PCM1: variants seen among roughly 807,000 people sequenced by gnomAD.
PCM1 encodes the protein pericentriolar material 1.
PCM1 carries 157 observed loss-of-function variants against 241.9 expected under a neutral mutation model. That is an observed-to-expected ratio of 0.65 (90% CI 0.57 to 0.74). The LOEUF (loss-of-function observed/expected upper bound fraction) is 0.74. Ranked by LOEUF, PCM1 falls within the 30% of genes least tolerant of loss-of-function variation. The pLI, the probability that PCM1 is intolerant of heterozygous loss-of-function variation, is 0.00. For synonymous variants in PCM1, 1,085 were observed against 784.9 expected (o/e 1.38, Z -6.39); for missense variants, 3,478 against 2,360.1 (o/e 1.47, Z -9.81).
intron 6 of PCM1, among the ~76,000 whole-genome samples, chr8:17,943,238 G>C (rs1277575565): frequency 6.9e-6 from 1 of 145,960 alleles, no homozygotes; most frequent in East Asian, 2.0e-4. Flanking sequence ...TTCACCTCTA[G>C]TATTTTGGCA....
In PCM1 at chr8:18,000,668, C is replaced by T. The variant is rs528114938; in HGVS notation, c.4828-5595C>T. Reference sequence around the variant, plus strand: ...CAGAGGCTCACTCTTATCACCCAGGCGGGAATGCAGTGGCGCGATCTCGGC... The same window carrying T: ...CAGAGGCTCACTCTTATCACCCAGGTGGGAATGCAGTGGCGCGATCTCGGC... On this transcript the variant is annotated intron_variant, in intron 29 of 38. Coordinates refer to ENST00000325083, the MANE Select transcript of PCM1 (RefSeq NM_006197.4). 3.3e-5 allele frequency among the ~76,000 whole-genome samples: 5 copies of T among 152,136 alleles called. No homozygotes were observed. In the East Asian group the frequency reaches 7.8e-4, roughly 24 times the overall value.
At chr8:17,963,520 G>T (rs1325346162) in intron 17 of PCM1, among the ~76,000 whole-genome samples, 2 of 152,108 alleles carry the variant, frequency 1.3e-5, no homozygotes, top group African/African-American at 4.8e-5. Context: ...TATGGCACTT[G>T]ATCAAATGGT....
Position 17,953,133 on chromosome 8 carries a change from A to T in PCM1, c.1235A>T (p.Lys412Ile). ...VLQEKKQKMD[K>I]LLGELHTLRD... Reference sequence around the variant, plus strand: ...CAGGAAAAGAAACAAAAAATGGACAAATTGCTTGGAGAACTTCATACACTT... The same window carrying T: ...CAGGAAAAGAAACAAAAAATGGACATATTGCTTGGAGAACTTCATACACTT... Residue 412 changes from lysine to isoleucine, a missense_variant, in exon 9 of 39, where the codon AAA (lysine) becomes ATA (isoleucine). By Grantham distance (102) the Lys-to-Ile change is moderately radical. Coordinates refer to ENST00000325083, the MANE Select transcript of PCM1 (RefSeq NM_006197.4). The T allele has an allele frequency of 6.3e-7, 1 of 1,591,704 alleles. No individual in the cohort carries two copies. Among genetic ancestry groups the T allele is most frequent in the Non-Finnish European group, 8.6e-7 (1 of 1,168,202 alleles).
chr8:18,010,003 G>A (rs1294473784), intron 31 of PCM1, among the ~76,000 whole-genome samples: 16 of 152,208 alleles, frequency 1.1e-4, no homozygotes, highest in Admixed American at 1.0e-3. Context: ...TTATTGTCCT[G>A]TATTCAGGTC....
Position 17,955,579 on chromosome 8 carries a change from T to G in PCM1, c.1398T>G (p.Pro466=). Reference sequence around the variant, plus strand: ...CCAATAGCCTCACATCATCTGTTCCTTATCCTACTGCTTCTCTAGTATCTC... The same window carrying G: ...CCAATAGCCTCACATCATCTGTTCCGTATCCTACTGCTTCTCTAGTATCTC... ...GESNSLTSSV[P]YPTASLVSQN... The change falls in exon 10 of 39, where the codon CCT becomes CCG. Residue 466 remains proline (P), a synonymous_variant. Coordinates refer to ENST00000325083, the MANE Select transcript of PCM1 (RefSeq NM_006197.4). 1 of 1,613,730 alleles carries G rather than the reference T, an allele frequency of 6.2e-7. No homozygotes were observed.
chr8:17,964,467 C>A (rs1025618808), intron 17 of PCM1, 101 bp from the exon 18 acceptor site: 3 of 795,928 alleles, frequency 3.8e-6, no homozygotes, highest in African/African-American at 3.5e-5. Flanking sequence ...TATATACAGA[C>A]ATGTATATGT....
intron 28 of PCM1, among the ~76,000 whole-genome samples, chr8:17,992,532 C>T (rs1433726317): frequency 6.6e-6 from 1 of 151,216 alleles, no homozygotes; most frequent in African/African-American, 2.4e-5. Context: ...TTTCACTCAA[C>T]ATCACCAAAA....
At chr8:17,931,288 G>T (rs1472377263) in intron 2 of PCM1, among the ~76,000 whole-genome samples, 1 of 151,944 alleles carries the variant, frequency 6.6e-6, no homozygotes, top group Non-Finnish European at 1.5e-5. Flanking sequence ...TCTTTCTCCA[G>T]ATATATTCTT....
At chr8:18,012,220 G>GC (rs1224267296) in intron 34 of PCM1, among the ~76,000 whole-genome samples, 8 of 152,116 alleles carry the variant, frequency 5.3e-5, no homozygotes, top group African/African-American at 1.9e-4. Flanking sequence ...TTTCACACCG[G>GC]CCCTCTCCTT....
chr8:18,011,465 C>A, intron 33 of PCM1, 99 bp downstream of exon 33: 1 of 1,188,412 alleles, frequency 8.4e-7, no homozygotes, highest in Non-Finnish European at 1.1e-6. Flanking sequence ...AATTAAGTGT[C>A]AAAGAACTCT....
At chr8:17,969,357 T>G (rs2076106011) in intron 21 of PCM1, 1 of 432,840 alleles carries the variant, frequency 2.3e-6, no homozygotes, top group Non-Finnish European at 4.0e-6. Flanking sequence ...TTTTAGCTCT[T>G]AAGGGAGTGG....
intron 26 of PCM1, among the ~76,000 whole-genome samples, chr8:17,986,417 G>C (rs11776688): frequency 0.47 from 70,710 of 149,378 alleles, 18,740 homozygotes; most frequent in Non-Finnish European, 0.62. Context: ...AGTAAAACAG[G>C]TATCAGATTA....
At chr8:18,009,771 G>C (rs201335679) in intron 31 of PCM1, 27 bp downstream of exon 31, 2 of 1,300,754 alleles carry the variant, frequency 1.5e-6, no homozygotes, top group Admixed American at 6.5e-5. Flanking sequence ...TTGATTTTTA[G>C]GATAATTGAC....
chr8:17,993,603 T>G lies in PCM1; in HGVS notation c.4811T>G (p.Val1604Gly), dbSNP rs780514981. Residue 1604 changes from valine to glycine, a missense_variant, in exon 29 of 39, where the codon GTC becomes GGC. Transcript: ENST00000325083. ...DRQIKAIMKE[V>G]IPFLKEHMDE... ...CAAATTAAAGCAATTATGAAAGAAGTCATTCCTTTTTTGAAGGTAAGCAAT... is the reference window on the plus strand; with the variant it reads ...CAAATTAAAGCAATTATGAAAGAAGGCATTCCTTTTTTGAAGGTAAGCAAT... The G allele has an allele frequency of 6.3e-7, 1 of 1,586,156 alleles. No homozygotes were observed. The highest frequency in any genetic ancestry group is 1.8e-5 in the Admixed American group (1 of 56,308).
intron 2 of PCM1, chr8:17,926,768 G>A (rs3850745): frequency 0.45 from 68,099 of 151,994 alleles, 17,070 homozygotes; most frequent in Non-Finnish European, 0.58. Flanking sequence ...ACGATCAAGG[G>A]GCTGGTAGTA....
At chr8:17,927,636 T>G (rs1017592877) in intron 2 of PCM1, 2 of 152,100 alleles carry the variant, frequency 1.3e-5, no homozygotes, top group African/African-American at 4.8e-5. Flanking sequence ...CTGCAACCTC[T>G]GCCTCCCAGG....
chr8:17,962,209 G>C lies in PCM1; in HGVS notation c.2463+35G>C, dbSNP rs747875326. The C allele has an allele frequency of 3.2e-6, 5 of 1,549,138 alleles. No homozygotes were observed. The East Asian group carries it at 9.2e-5, about 29-fold the overall frequency. On this transcript the variant is annotated intron_variant, in intron 16 of 38. Coordinates refer to ENST00000325083, the MANE Select transcript of PCM1 (RefSeq NM_006197.4). ...ATTGTACTCTCTTGTTCCTGAGTTA[G>C]TCTTTTGTTTTCCTTTTTTTTTCTT...
chr8:17,979,580 A>G (rs10503606), intron 23 of PCM1, among the ~76,000 whole-genome samples: 18,983 of 152,234 alleles, frequency 0.12, 1,571 homozygotes, highest in East Asian at 0.37. Flanking sequence ...TAAGGAACAA[A>G]TTTAACAAGG....
intron 29 of PCM1, among the ~76,000 whole-genome samples, chr8:18,004,603 A>G (rs556135175): frequency 4.7e-4 from 72 of 152,310 alleles, no homozygotes; most frequent in Non-Finnish European, 9.7e-4. Context: ...TTAATTATTT[A>G]TGATGTCTCA....
Sources: gnomAD v4.1 joint callset for allele counts (sites outside exome capture counted in the v4.1 genomes callset) on GRCh38, gnomAD v4.1.1 for gene constraint, MANE v1.5 for transcripts, NCBI Gene and HGNC (gene_info 2026-07-23, HGNC 2026-07-21) for gene names.